The following COL6A5 variants were observed in gnomAD, a reference collection of about 807,000 sequenced individuals.
COL6A5 encodes the protein collagen type VI alpha 5 chain.
A neutral mutation model predicts 65.6 loss-of-function variants in COL6A5; 48 were observed. That is an observed-to-expected ratio of 0.73 (90% CI 0.58 to 0.93). The LOEUF (loss-of-function observed/expected upper bound fraction) is 0.93. COL6A5 is among the 40% of genes least tolerant of loss of function. The pLI is 0.00. For synonymous variants in COL6A5, 291 were observed against 322.8 expected (o/e 0.90, Z 1.05); for missense variants, 914 against 928.3 (o/e 0.98, Z 0.20).
intron 5 of COL6A5, among the ~76,000 whole-genome samples, chr3:130,467,181 A>C (rs1172919899): frequency 2.6e-5 from 4 of 151,952 alleles, no homozygotes; most frequent in Non-Finnish European, 4.4e-5. Flanking sequence ...AGAAGCAGTC[A>C]ATGTGTAATG....
chr3:130,386,195 A>C (rs2107647978), intron 5 of COL6A5, among the ~76,000 whole-genome samples: 1 of 152,204 alleles, frequency 6.6e-6, no homozygotes, highest in Admixed American at 6.6e-5. Context: ...AGTCAGAGTC[A>C]AGGTTCATAC....
At position 130,415,033 on chromosome 3, in the gene COL6A5, C is replaced by A. The variant is rs1179177923; in HGVS notation, c.4762-612C>A. ...AGATACCTCAGACACCCGTGGGTCC[C>A]TTTGACACTGAGACAGTGAATCAAG... On this transcript the variant is annotated intron_variant and NMD_transcript_variant, in intron 22 of 41. Transcript: ENST00000312481. 2.0e-5 allele frequency among the ~76,000 whole-genome samples: 3 copies of A among 152,158 alleles called. No homozygotes were observed. In the East Asian group the frequency reaches 5.8e-4, roughly 30 times the overall value.
chr3:130,478,309 C>A (rs1710148340), intron 7 of COL6A5, among the ~76,000 whole-genome samples: 1 of 152,026 alleles, frequency 6.6e-6, no homozygotes, highest in African/African-American at 2.4e-5. Flanking sequence ...GAAAAGAACA[C>A]CCCAGTGCCA....
rs569653599 is a variant in COL6A5, at chr3:130,391,060, G to C, written c.2417-119G>C. On this transcript the variant is annotated intron_variant and NMD_transcript_variant, in intron 6 of 41. Coordinates refer to the COL6A5 transcript ENST00000312481. ...CAGCAGCCACCTCTAAGAACTAAGT[G>C]AGATATAGTGTCTGACACATAGTAG... The C allele has an allele frequency of 2.2e-3, 1,601 of 717,340 alleles. 7 individuals carry two copies. The highest frequency in any genetic ancestry group is 8.0e-3 in the South Asian group (412 of 51,472). 44.4% of individuals were successfully genotyped at this position (717,340 alleles called of 1,614,324 possible). A position where few individuals can be genotyped will look rare whatever the true frequency, so the allele number is the denominator to read the frequency against.
chr3:130,439,482 A>G lies in COL6A5; in HGVS notation c.488-40A>G, dbSNP rs779180739. On this transcript the variant is annotated intron_variant, in intron 1 of 7. Coordinates refer to ENST00000512836, the Ensembl canonical transcript of COL6A5. The stretch of plus-strand genomic sequence containing the variant: ...AAGTGGTTTCCTACTAGTGACTAAA[A>G]ACAATGAGCAAACATGCGTTCACTT... The G allele has an allele frequency of 9.5e-6, 14 of 1,475,906 alleles. 1 individual carries two copies. In the South Asian group the frequency reaches 1.7e-4, roughly 18 times the overall value. 91.4% of individuals were successfully genotyped at this position (1,475,906 alleles called of 1,614,324 possible).
At chr3:130,355,589 TACAC>T (rs111871748) in intron 1 of COL6A5, among the ~76,000 whole-genome samples, 1 of 151,312 alleles carries the variant, frequency 6.6e-6, no homozygotes, top group Non-Finnish European at 1.5e-5. Flanking sequence ...AGTAAAATTT[TACAC>T]ACACACACAC....
Position 130,418,863 on chromosome 3 carries a change from T to A in COL6A5, c.4888-6T>A. The A allele has an allele frequency of 6.5e-7, 1 of 1,550,200 alleles. No individual in the cohort carries two copies. Among genetic ancestry groups the A allele is most frequent in the Non-Finnish European group, 8.7e-7 (1 of 1,145,878 alleles). On this transcript the variant is annotated splice_polypyrimidine_tract_variant and splice_region_variant and intron_variant and NMD_transcript_variant, in intron 24 of 41. Coordinates refer to the COL6A5 transcript ENST00000312481. The stretch of plus-strand genomic sequence containing the variant: ...GATCTGAAGCTCTTCTTGTCCCACT[T>A]ACTAGGGAGAGCCTGGACTTCCTGG...
chr3:130,418,125 A>G (rs190184311), intron 24 of COL6A5, among the ~76,000 whole-genome samples: 1 of 152,198 alleles, frequency 6.6e-6, no homozygotes, highest in African/African-American at 2.4e-5. Context: ...GGCAATCATT[A>G]TACAACATAT....
chr3:130,452,228 C>T (rs1460412692), intron 4 of COL6A5, among the ~76,000 whole-genome samples: 5 of 152,112 alleles, frequency 3.3e-5, no homozygotes, highest in Admixed American at 6.6e-5. Flanking sequence ...AAACCGATGA[C>T]GTTTCTCCGC....
chr3:130,410,402 A>G lies in COL6A5; in HGVS notation c.4609-69A>G. Reference sequence around the variant, plus strand: ...CATTTTAATAGTGCTTGAGGTTTTGATGCTGATGCCTTTGTGATTTATTCA... The same window carrying G: ...CATTTTAATAGTGCTTGAGGTTTTGGTGCTGATGCCTTTGTGATTTATTCA... On this transcript the variant is annotated intron_variant and NMD_transcript_variant, in intron 19 of 41. Transcript: ENST00000312481. 3 of 1,136,008 alleles carry G rather than the reference A, an allele frequency of 2.6e-6. No homozygotes were observed. The South Asian group carries it at 4.0e-5, about 15-fold the overall frequency. The allele number at this position is 1,136,008 out of a possible 1,614,324, so 70.4% of individuals were successfully genotyped here.
chr3:130,373,793 A>G lies in COL6A5; in HGVS notation c.67+88A>G, dbSNP rs1935653304. ...ATAAACAGCAAGAAATAATTTATTT[A>G]CTAAAAATCAAAGTATGCAGCATTT... On this transcript the variant is annotated intron_variant and NMD_transcript_variant, in intron 2 of 41. Coordinates refer to the COL6A5 transcript ENST00000312481. 9.4e-6 allele frequency: 8 copies of G among 853,038 alleles called. No homozygotes were observed. In the South Asian group the frequency reaches 1.3e-4, roughly 14 times the overall value. The allele number at this position is 853,038 out of a possible 1,614,324, so 52.8% of individuals were successfully genotyped here.
chr3:130,472,674 TA>T (rs1317498025), intron 7 of COL6A5, among the ~76,000 whole-genome samples: 1 of 151,760 alleles, frequency 6.6e-6, no homozygotes, highest in Non-Finnish European at 1.5e-5. Flanking sequence ...AATCATGTAC[TA>T]AAATGTTTAT....
intron 4 of COL6A5, among the ~76,000 whole-genome samples, chr3:130,453,868 A>G (rs540411155): frequency 6.6e-6 from 1 of 152,306 alleles, no homozygotes; most frequent in African/African-American, 2.4e-5. Context: ...TCATGCAAGC[A>G]TATGTTCCTC....
chr3:130,449,660 G>T (rs533784713), intron 4 of COL6A5, among the ~76,000 whole-genome samples: 1 of 152,218 alleles, frequency 6.6e-6, no homozygotes, highest in African/African-American at 2.4e-5. Context: ...TATGGTGCAC[G>T]TGGGCCTTTG....
chr3:130,401,676 T>G, intron 11 of COL6A5, 86 bp from the exon 12 acceptor site: 1 of 982,494 alleles, frequency 1.0e-6, no homozygotes, highest in Non-Finnish European at 1.6e-6. Context: ...GTGTAGATGG[T>G]GGATTATGAT....
chr3:130,431,925 G>C (rs1202239628), exon 1 of COL6A5: 3 of 1,550,292 alleles, frequency 1.9e-6, no homozygotes, highest in Non-Finnish European at 2.6e-6. Flanking sequence ...CTTTTGATGA[G>C]AGAGTTTTCC....
chr3:130,373,137 C>T (rs981119255), intron 1 of COL6A5, among the ~76,000 whole-genome samples: 5 of 152,072 alleles, frequency 3.3e-5, no homozygotes, highest in African/African-American at 9.7e-5. Flanking sequence ...TAAACATATA[C>T]GATAGTGGCA....
At chr3:130,372,155 A>C (rs1935590035) in intron 1 of COL6A5, among the ~76,000 whole-genome samples, 1 of 152,122 alleles carries the variant, frequency 6.6e-6, no homozygotes, top group Admixed American at 6.5e-5. Flanking sequence ...ATAATAACAA[A>C]ATGGAAAATA....
chr3:130,438,099 G>A (rs1158997492), intron 1 of COL6A5, among the ~76,000 whole-genome samples: 1 of 152,106 alleles, frequency 6.6e-6, no homozygotes, highest in African/African-American at 2.4e-5. Flanking sequence ...CCTGGTTCAA[G>A]CGATTCTTCA....
Sources: gnomAD v4.1 joint callset for allele counts (sites outside exome capture counted in the v4.1 genomes callset) on GRCh38, gnomAD v4.1.1 for gene constraint, MANE v1.5 for transcripts, NCBI Gene and HGNC (gene_info 2026-07-23, HGNC 2026-07-21) for gene names.